The following XPNPEP1 variants were observed in gnomAD, a reference collection of about 807,000 sequenced individuals.
The protein encoded by XPNPEP1 is xaa-Pro aminopeptidase 1.
In XPNPEP1, 39 loss-of-function variants were observed where a neutral mutation model predicts 92.4. That is an observed-to-expected ratio of 0.42 (90% CI 0.33 to 0.55). The LOEUF is 0.55. Among genes scored for constraint, XPNPEP1 ranks in the 20% least tolerant of loss-of-function variants. The pLI is 0.08. For synonymous variants in XPNPEP1, 307 were observed against 299.4 expected, an observed-to-expected ratio of 1.03 and a Z score of -0.26; for missense variants, 654 against 856.1, an observed-to-expected ratio of 0.76 and a Z score of 2.95.
chr10:109,871,741 G>C (rs1169879434), intron 17 of XPNPEP1, 51 bp downstream of exon 17: 2 of 1,582,900 alleles, frequency 1.3e-6, no homozygotes, highest in South Asian at 1.1e-5. Flanking sequence ...AGACATATTT[G>C]ATTCTCAAAC....
intron 2 of XPNPEP1, among the ~76,000 whole-genome samples, chr10:109,914,501 A>G (rs1284790492): frequency 6.6e-6 from 1 of 152,220 alleles, no homozygotes; most frequent in African/African-American, 2.4e-5. Context: ...ACTACCTTAA[A>G]AAAAAATGGT....
intron 9 of XPNPEP1, among the ~76,000 whole-genome samples, chr10:109,883,150 G>A (rs1848200536): frequency 6.6e-6 from 1 of 152,160 alleles, no homozygotes; most frequent in East Asian, 1.9e-4. Flanking sequence ...GCTCCTGAAT[G>A]TGGCCCACAA....
chr10:109,919,972 C>T (rs536609861), intron 1 of XPNPEP1, among the ~76,000 whole-genome samples: 1 of 151,984 alleles, frequency 6.6e-6, no homozygotes, highest in African/African-American at 2.4e-5. Context: ...GTGGAGGCTG[C>T]AGTGAGCCAA....
At chr10:109,909,821 C>T (rs952920157) in intron 2 of XPNPEP1, among the ~76,000 whole-genome samples, 2 of 152,150 alleles carry the variant, frequency 1.3e-5, no homozygotes, top group Admixed American at 6.5e-5. Flanking sequence ...TATAGTTTCA[C>T]AGCAAAACTG....
At position 109,870,735 on chromosome 10, in the gene XPNPEP1, A is replaced by C; in HGVS notation, c.1692T>G (p.Thr564=). The C allele has an allele frequency of 6.2e-7, 1 of 1,614,050 alleles. No individual in the cohort carries two copies. Among genetic ancestry groups the C allele is most frequent in the Non-Finnish European group, 8.5e-7 (1 of 1,179,924 alleles). ...DEPLEAGMIV[T]DEPGYYEDGA... ...CTCTATGTGAGGGACACTTACCATC[A>C]GTGACAATCATGCCTGCCTCCAAGG... The change falls in exon 18 of 21, where the codon ACT becomes ACG. Residue 564 remains threonine, a synonymous_variant. Transcript: ENST00000502935.
At position 109,867,106 on chromosome 10, in the gene XPNPEP1, G is replaced by C. The variant is rs552100251; in HGVS notation, c.1872+1508C>G. Among the ~76,000 whole-genome samples, 2 of 152,348 alleles carry C rather than the reference G, an allele frequency of 1.3e-5. No individual in the cohort carries two copies. The highest frequency in any genetic ancestry group is 1.9e-4 in the East Asian group (1 of 5,188). On this transcript the variant is annotated intron_variant, in intron 20 of 20. Transcript: ENST00000502935. This position sits in a 1 kb window ranked among gnomAD's most constrained non-coding sequence, Gnocchi z 4.5. ...AATCCATAGCCTTGGACTTCCAAGAGTGCGAAATGACTTATTACTGGAAAG... is the reference window on the plus strand; with the variant it reads ...AATCCATAGCCTTGGACTTCCAAGACTGCGAAATGACTTATTACTGGAAAG...
intron 3 of XPNPEP1, among the ~76,000 whole-genome samples, chr10:109,899,373 C>T (rs1849157807): frequency 6.6e-6 from 1 of 152,248 alleles, no homozygotes; most frequent in Non-Finnish European, 1.5e-5. Context: ...CTTCCACCAG[C>T]TAAAATGGTG....
Position 109,915,022 on chromosome 10 carries a change from C to T in XPNPEP1, c.110G>A (p.Gly37Asp), listed in dbSNP as rs1266922380. 2 of 1,527,636 alleles carry T rather than the reference C, an allele frequency of 1.3e-6. No homozygotes were observed. The highest frequency in any genetic ancestry group is 4.0e-5 in the Admixed American group (2 of 50,152). 94.6% of individuals were successfully genotyped at this position (1,527,636 alleles called of 1,614,324 possible). ...PNEVTHSGDT[G>D]VETDGRMPPK... ...GACAAAATTATTACCTGTTTCCACA[C>T]CTGTGTCTCCTGAGTGTGTCACCTC... Residue 37 changes from glycine to aspartate, a missense_variant, in exon 2 of 21, where the codon GGT becomes GAT. Transcript: ENST00000502935.
rs527977828 is a variant in XPNPEP1, at chr10:109,905,157, A to G, written c.246+2534T>C. On this transcript the variant is annotated intron_variant, in intron 3 of 20. Transcript: ENST00000502935. ...CTATACTAAGTGAAATAAGCCAGTC[A>G]CAAAAAGACAAATACTGCATGATTC... is the stretch of plus-strand genomic sequence containing the variant. Among the ~76,000 whole-genome samples, 439 of 152,338 alleles carry G rather than the reference A, an allele frequency of 2.9e-3. 2 individuals are homozygous for G. Among genetic ancestry groups the G allele is most frequent in the Middle Eastern group, 6.8e-3 (2 of 294 alleles).
At chr10:109,888,234 A>G (rs771704161) in intron 6 of XPNPEP1, 42 bp from the exon 7 acceptor site, 1 of 1,597,548 alleles carries the variant, frequency 6.3e-7, no homozygotes, top group Non-Finnish European at 8.5e-7. Context: ...CCGAACGCCC[A>G]TTGCAGCAGG....
chr10:109,895,604 T>C (rs1245007133), intron 3 of XPNPEP1, among the ~76,000 whole-genome samples: 1 of 152,202 alleles, frequency 6.6e-6, no homozygotes, highest in Non-Finnish European at 1.5e-5. Flanking sequence ...AGACAAGCAC[T>C]GGGCCCAGGG....
At chr10:109,866,030 C>T (rs979445998) in intron 20 of XPNPEP1, among the ~76,000 whole-genome samples, 3 of 152,192 alleles carry the variant, frequency 2.0e-5, no homozygotes, top group South Asian at 2.1e-4. Flanking sequence ...TGGTTGTATA[C>T]GGGAAAAGGT....
chr10:109,878,316 AC>A, intron 12 of XPNPEP1: 1 of 402,470 alleles, frequency 2.5e-6, no homozygotes, highest in Admixed American at 4.0e-5. Context: ...TCCCAAAACA[AC>A]ATATCTAAGT....
intron 2 of XPNPEP1, among the ~76,000 whole-genome samples, chr10:109,912,890 T>C (rs1849955993): frequency 6.6e-6 from 1 of 152,256 alleles, no homozygotes; most frequent in Admixed American, 6.5e-5. Flanking sequence ...ATTCACAACA[T>C]TGGATCTATG....
chr10:109,880,750 C>T, intron 11 of XPNPEP1, 92 bp downstream of exon 11: 1 of 1,286,238 alleles, frequency 7.8e-7, no homozygotes, highest in Non-Finnish European at 1.1e-6. Context: ...AGATTCTAAC[C>T]TTGTGCCAGG....
chr10:109,920,563 G>A (rs980195551), intron 1 of XPNPEP1, among the ~76,000 whole-genome samples: 1 of 152,042 alleles, frequency 6.6e-6, no homozygotes, highest in African/African-American at 2.4e-5. Context: ...TAGAGACAGG[G>A]TCTTGCTGTG....
intron 18 of XPNPEP1, 35 bp downstream of exon 18, chr10:109,870,696 G>A: frequency 6.3e-7 from 1 of 1,581,586 alleles, no homozygotes; most frequent in Non-Finnish European, 8.6e-7. Context: ...AAGGCTCAAG[G>A]ATCCACGCAT....
chr10:109,878,671 T>G (rs1847913452), intron 12 of XPNPEP1, among the ~76,000 whole-genome samples: 1 of 151,906 alleles, frequency 6.6e-6, no homozygotes, highest in South Asian at 2.1e-4. Flanking sequence ...GTGGATCGCT[T>G]GAGCCCAGGA....
intron 14 of XPNPEP1, 80 bp downstream of exon 14, chr10:109,877,710 G>A: frequency 6.4e-7 from 1 of 1,560,794 alleles, no homozygotes; most frequent in South Asian, 1.1e-5. Flanking sequence ...GAGGCCTCTG[G>A]TAAAATAATG....
Sources: allele counts gnomAD v4.1 joint callset (sites outside exome capture counted in the v4.1 genomes callset), GRCh38; gene constraint gnomAD v4.1.1; non-coding constraint Gnocchi (gnomAD v3.1); transcripts MANE v1.5; gene names NCBI Gene and HGNC (gene_info 2026-07-23, HGNC 2026-07-21).